The following STX18 variants were observed in gnomAD, a reference collection of about 807,000 sequenced individuals.
STX18 encodes syntaxin 18.
Under a neutral mutation model 50.1 loss-of-function variants are expected in STX18, and 40 were observed. The ratio of observed to expected loss-of-function variants is 0.80; its 90% CI spans 0.62 to 1.04. STX18 has a LOEUF of 1.04. Ranked by LOEUF, STX18 falls within the 50% of genes least tolerant of loss-of-function variation. The probability of loss-of-function intolerance (pLI) is 0.00; values close to 1 mark genes in which losing one functional copy is unlikely to be tolerated. For missense variants in STX18, 410 were observed against 415.8 expected, an observed-to-expected ratio of 0.99 and a Z score of 0.12; for synonymous variants, 158 against 151.8, an observed-to-expected ratio of 1.04 and a Z score of -0.30.
At chr4:4,539,312 A>T (rs1731475073) in intron 1 of STX18, among the ~76,000 whole-genome samples, 2 of 152,224 alleles carry the variant, frequency 1.3e-5, no homozygotes, top group South Asian at 4.1e-4. Flanking sequence ...GAATTAGAAT[A>T]TGTGCTTCTG....
At chr4:4,456,565 C>A (rs1184086209) in intron 5 of STX18, among the ~76,000 whole-genome samples, 1 of 152,190 alleles carries the variant, frequency 6.6e-6, no homozygotes, top group South Asian at 2.1e-4. Context: ...GTCATTTACC[C>A]TGCTGGAGCG....
chr4:4,501,963 A>G (rs755657102), intron 1 of STX18, among the ~76,000 whole-genome samples: 3 of 152,242 alleles, frequency 2.0e-5, no homozygotes, highest in Non-Finnish European at 4.4e-5. Flanking sequence ...TTAAAAGGCA[A>G]CTGAAAATCT....
chr4:4,486,055 C>CT (rs1457641319), intron 1 of STX18, among the ~76,000 whole-genome samples: 1 of 152,230 alleles, frequency 6.6e-6, no homozygotes. Context: ...AGCTGGTTCT[C>CT]TGACTTTGGA....
chr4:4,457,361 T>G, intron 4 of STX18, 62 bp downstream of exon 4: 1 of 1,572,552 alleles, frequency 6.4e-7, no homozygotes, highest in Non-Finnish European at 8.7e-7. Flanking sequence ...CTAGCAAAGC[T>G]AAATTCTGCA....
intron 1 of STX18, among the ~76,000 whole-genome samples, chr4:4,514,003 G>A (rs1019323117): frequency 1.3e-5 from 2 of 152,140 alleles, no homozygotes; most frequent in African/African-American, 4.8e-5. Flanking sequence ...GAAAGAACTC[G>A]AGAGGGCAGC....
intron 2 of STX18, among the ~76,000 whole-genome samples, chr4:4,468,955 G>C (rs1017293627): frequency 1.3e-5 from 2 of 152,138 alleles, no homozygotes; most frequent in African/African-American, 4.8e-5. Context: ...TAAAGCAACA[G>C]AAAGGAACAA....
intron 2 of STX18, among the ~76,000 whole-genome samples, chr4:4,470,129 A>G (rs573689369): frequency 3.3e-5 from 5 of 152,354 alleles, no homozygotes; most frequent in African/African-American, 1.2e-4. Context: ...CTAAGCATCT[A>G]GAATTCAATA....
At chr4:4,519,371 T>C (rs748228786) in intron 1 of STX18, among the ~76,000 whole-genome samples, 2 of 152,154 alleles carry the variant, frequency 1.3e-5, no homozygotes, top group Non-Finnish European at 2.9e-5. Flanking sequence ...ACACTTTAAA[T>C]AACCTAATCA....
At chr4:4,510,618 A>T (rs1229699334) in intron 1 of STX18, among the ~76,000 whole-genome samples, 1 of 152,210 alleles carries the variant, frequency 6.6e-6, no homozygotes, top group Admixed American at 6.5e-5. Flanking sequence ...ATCTAGAACC[A>T]GAAATACCAT....
At chr4:4,506,902 G>C (rs958343859) in intron 1 of STX18, among the ~76,000 whole-genome samples, 3 of 152,208 alleles carry the variant, frequency 2.0e-5, no homozygotes, top group African/African-American at 4.8e-5. Context: ...ATGAGTAACT[G>C]AAACTGGAAA....
At chr4:4,512,813 T>C (rs1730061787) in intron 1 of STX18, among the ~76,000 whole-genome samples, 1 of 152,180 alleles carries the variant, frequency 6.6e-6, no homozygotes, top group African/African-American at 2.4e-5. Flanking sequence ...GGGAATATTG[T>C]TACTAAATAT....
chr4:4,489,097 C>T (rs1242273537), intron 1 of STX18, among the ~76,000 whole-genome samples: 1 of 152,104 alleles, frequency 6.6e-6, no homozygotes, highest in Non-Finnish European at 1.5e-5. Context: ...AATGAATGTT[C>T]ATTTTATCTC....
intron 1 of STX18, among the ~76,000 whole-genome samples, chr4:4,472,249 A>G (rs1727957330): frequency 6.6e-6 from 1 of 152,222 alleles, no homozygotes; most frequent in African/African-American, 2.4e-5. Context: ...ATACAGGTAC[A>G]AAGCACTGTG....
At chr4:4,464,408 A>C (rs1321037308) in intron 2 of STX18, among the ~76,000 whole-genome samples, 1 of 152,176 alleles carries the variant, frequency 6.6e-6, no homozygotes, top group African/African-American at 2.4e-5. Flanking sequence ...TCTGCTCGAT[A>C]AATATTTAGT....
At chr4:4,542,258 G>C (rs1484117675), upstream of STX18, 1 of 317,374 alleles carries the variant, frequency 3.2e-6, no homozygotes, top group Non-Finnish European at 5.8e-6. Context: ...GAGCTCTTCT[G>C]TGTCTGTTTG....
intron 1 of STX18, among the ~76,000 whole-genome samples, chr4:4,541,317 C>T (rs991477728): frequency 1.1e-4 from 17 of 152,176 alleles, no homozygotes; most frequent in African/African-American, 4.1e-4. Context: ...CTGAGTCCTA[C>T]TTATTGCAGA....
chr4:4,421,573 A>G (rs1041735786), intron 9 of STX18, among the ~76,000 whole-genome samples: 3 of 152,106 alleles, frequency 2.0e-5, no homozygotes, highest in Non-Finnish European at 4.4e-5. Context: ...ATCTTGTTGC[A>G]GTGCTCCTTC....
intron 5 of STX18, among the ~76,000 whole-genome samples, chr4:4,442,333 A>C (rs1047154206): frequency 6.6e-6 from 1 of 152,106 alleles, no homozygotes; most frequent in Non-Finnish European, 1.5e-5. Context: ...GAAAAAAAAA[A>C]CATGGGTGAA....
At chr4:4,485,837 C>T (rs1436520634) in intron 1 of STX18, among the ~76,000 whole-genome samples, 1 of 152,234 alleles carries the variant, frequency 6.6e-6, no homozygotes, top group Non-Finnish European at 1.5e-5. Context: ...TTTTCTCCTG[C>T]TCCCAAAGCT....
Sources: gnomAD v4.1 joint callset for allele counts (sites outside exome capture counted in the v4.1 genomes callset) on GRCh38, gnomAD v4.1.1 for gene constraint, MANE v1.5 for transcripts, NCBI Gene and HGNC (gene_info 2026-07-23, HGNC 2026-07-21) for gene names.